The following SETD9 variants were observed in gnomAD, a reference collection of about 807,000 sequenced individuals.
SETD9 encodes SET domain containing 9, also known as SET domain-containing protein 9.
SETD9 carries 37 observed loss-of-function variants against 36.4 expected under a neutral mutation model. The observed-to-expected ratio is 1.02, with a 90% CI of 0.78 to 1.34. The LOEUF (loss-of-function observed/expected upper bound fraction) is 1.34. SETD9 is among the 40% of genes most tolerant of loss of function. SETD9 has a pLI of 0.00. For synonymous variants in SETD9, 128 were observed against 132.9 expected (o/e 0.96, Z 0.26); for missense variants, 323 against 353.2 (o/e 0.91, Z 0.69).
In SETD9 at chr5:56,917,059, C is replaced by A; in HGVS notation, c.*157C>A. ...TTTTGTTGATATTATATTTATGTTC[C>A]AATTTCATGATAAAAGCTACTTGCT... On this transcript the variant is annotated 3_prime_UTR_variant, in exon 6 of 6. Coordinates refer to ENST00000285947, the MANE Select transcript of SETD9 (RefSeq NM_153706.4). 2 of 1,304,060 alleles carry A rather than the reference C, an allele frequency of 1.5e-6. No individual in the cohort carries two copies. The highest frequency in any genetic ancestry group is 1.9e-6 in the Non-Finnish European group (2 of 1,031,044). The allele number at this position is 1,304,060 out of a possible 1,614,324, so 80.8% of individuals were successfully genotyped here. A position where few individuals can be genotyped will look rare whatever the true frequency, so the allele number is the denominator to read the frequency against.
downstream of SETD9, chr5:56,917,449 CAAAGA>C (rs1299947904): frequency 3.9e-6 from 2 of 507,656 alleles, no homozygotes; most frequent in African/African-American, 2.1e-5. Flanking sequence ...ATTTTCACAC[CAAAGA>C]AAAGGTGGAA....
At chr5:56,927,507 G>C (rs1229371810), downstream of SETD9, among the ~76,000 whole-genome samples, 1 of 152,076 alleles carries the variant, frequency 6.6e-6, no homozygotes, top group East Asian at 1.9e-4. Context: ...GAAATAAACA[G>C]AGCATATTTT....
intron 1 of SETD9, chr5:56,910,128 G>C (rs1749035328): frequency 2.4e-6 from 3 of 1,236,050 alleles, no homozygotes; most frequent in Non-Finnish European, 3.1e-6. Context: ...TGACTGGGGA[G>C]CTTGTATCTG....
intron 5 of SETD9, among the ~76,000 whole-genome samples, chr5:56,924,802 T>A (rs1749879891): frequency 6.6e-6 from 1 of 152,232 alleles, no homozygotes; most frequent in Admixed American, 6.5e-5. Context: ...AAATGCTTTC[T>A]CCCTTGCTTA....
chr5:56,918,505 A>C (rs1020269352), downstream of SETD9, among the ~76,000 whole-genome samples: 4 of 152,216 alleles, frequency 2.6e-5, no homozygotes, highest in African/African-American at 9.6e-5. Context: ...TAACAGATGT[A>C]CTAGATTATC....
rs1297107054 is a variant in SETD9, at chr5:56,911,503, G to A, written c.433G>A (p.Val145Ile). ...GKGVFVTKGLVPKGAVVSMYP... is the reference protein window; with the variant it reads ...GKGVFVTKGLIPKGAVVSMYP... ...AGGTGTCTTCGTTACTAAAGGATTG[G>A]TACCAAAAGGCGCAGTCGTATCTAT... is the stretch of plus-strand genomic sequence containing the variant. Residue 145 changes from valine to isoleucine, a missense_variant, in exon 2 of 6, where the codon GTA becomes ATA. Physicochemically the swap from Val to Ile is conservative, Grantham distance 29. Transcript: ENST00000285947. The A allele has an allele frequency of 1.9e-6, 3 of 1,588,684 alleles. No homozygotes were observed. Among genetic ancestry groups the A allele is most frequent in the East Asian group, 2.2e-5 (1 of 44,742 alleles).
chr5:56,919,891 G>GA (rs1292798551), downstream of SETD9: 2 of 152,572 alleles, frequency 1.3e-5, no homozygotes, highest in Non-Finnish European at 2.9e-5. Flanking sequence ...TCCATTTAGT[G>GA]AAAAAATTAG....
At chr5:56,924,187 T>G in intron 5 of SETD9, 10 of 781,438 alleles carry the variant, frequency 1.3e-5, no homozygotes, top group Non-Finnish European at 1.9e-5. Context: ...AATTATAAAG[T>G]TCTGAACACT....
In SETD9 at chr5:56,909,664, C is replaced by G; in HGVS notation, c.19C>G (p.Arg7Gly). The change falls in exon 1 of 6, where the codon CGG becomes GGG. Residue 7 changes from arginine (R) to glycine (G), a missense_variant. Transcript: ENST00000285947. Reference sequence around the variant, plus strand: ...GGCAGCCATGCCTGGCCGTCTGCTGCGGGGCCTGTGGCAGCGATGGCGCCG... The same window carrying G: ...GGCAGCCATGCCTGGCCGTCTGCTGGGGGGCCTGTGGCAGCGATGGCGCCG... Reference protein sequence around the residue: MPGRLLRGLWQRWRRYK... With the variant: MPGRLLGGLWQRWRRYK... 6.2e-7 allele frequency: 1 copy of G among 1,608,868 alleles called. No homozygotes were observed. The highest frequency in any genetic ancestry group is 8.5e-7 in the Non-Finnish European group (1 of 1,178,222).
At chr5:56,923,052 G>T in intron 5 of SETD9, 1 of 1,263,736 alleles carries the variant, frequency 7.9e-7, no homozygotes, top group Admixed American at 2.1e-5. Context: ...AACTTCCAGT[G>T]AAAGACTATG....
At chr5:56,914,720 C>T in intron 4 of SETD9, 141 bp from the exon 5 acceptor site, 1 of 388,052 alleles carries the variant, frequency 2.6e-6, no homozygotes. Flanking sequence ...TAAACTCTGA[C>T]AGTACCTGGA....
At chr5:56,921,522 C>T (rs1749673042), downstream of SETD9, 1 of 152,606 alleles carries the variant, frequency 6.6e-6, no homozygotes, top group South Asian at 2.1e-4. Flanking sequence ...TGCGTAAACA[C>T]TTCAAAGCAA....
At chr5:56,909,565 C>G, upstream of SETD9, 5 of 1,164,170 alleles carry the variant, frequency 4.3e-6, no homozygotes, top group Non-Finnish European at 5.9e-6. Context: ...GCGCGGCCCC[C>G]TCTCCTCCCG....
At chr5:56,926,053 G>A (rs113513062), downstream of SETD9, among the ~76,000 whole-genome samples, 324 of 151,886 alleles carry the variant, frequency 2.1e-3, 4 homozygotes, top group Admixed American at 0.012. Context: ...TAAAAAAAAA[G>A]AGAAATGAAT....
downstream of SETD9, chr5:56,928,856 T>C (rs754863050): frequency 7.5e-6 from 12 of 1,609,478 alleles, no homozygotes; most frequent in Admixed American, 1.9e-4. Flanking sequence ...CATGCAGTCA[T>C]TCCTTCTAAG....
downstream of SETD9, among the ~76,000 whole-genome samples, chr5:56,927,008 A>C (rs1190205177): frequency 6.6e-6 from 1 of 152,198 alleles, no homozygotes; most frequent in East Asian, 1.9e-4. Context: ...CATACTGTAT[A>C]ATTCCAACTA....
At chr5:56,927,367 T>C (rs974129483), downstream of SETD9, among the ~76,000 whole-genome samples, 1 of 152,172 alleles carries the variant, frequency 6.6e-6, no homozygotes, top group Non-Finnish European at 1.5e-5. Flanking sequence ...CTCAATACTT[T>C]CTGGTTAACT....
chr5:56,919,372 C>T (rs1158945768), downstream of SETD9, among the ~76,000 whole-genome samples: 1 of 152,010 alleles, frequency 6.6e-6, no homozygotes, highest in Admixed American at 6.6e-5. Context: ...GATCTGCCCG[C>T]CTCGGCCTCT....
intron 3 of SETD9, 94 bp downstream of exon 3, chr5:56,913,228 T>C: frequency 1.4e-6 from 2 of 1,394,488 alleles, no homozygotes; most frequent in South Asian, 2.8e-5. Context: ...TTATTTATTT[T>C]TTATATAAAG....
Sources: allele counts gnomAD v4.1 joint callset (sites outside exome capture counted in the v4.1 genomes callset), GRCh38; gene constraint gnomAD v4.1.1; transcripts MANE v1.5; gene names NCBI Gene and HGNC (gene_info 2026-07-23, HGNC 2026-07-21).